Variants in GALNT13 observed in about 807,000 individuals in gnomAD.
GALNT13 encodes the protein UDP-GalNAc:polypeptide N-acetylgalactosaminyltransferase 13.
A neutral mutation model predicts 64.2 loss-of-function variants in GALNT13; 28 were observed. The observed-to-expected ratio is 0.44, with a 90% CI of 0.32 to 0.60. The LOEUF (loss-of-function observed/expected upper bound fraction) is 0.60. Among genes scored for constraint, GALNT13 ranks in the 20% least tolerant of loss-of-function variants. GALNT13 has a pLI of 0.05. For missense variants in GALNT13, 577 were observed against 669.8 expected (o/e 0.86, Z 1.53); for synonymous variants, 214 against 224.6 (o/e 0.95, Z 0.42).
At chr2:153,482,105 A>G in the GALNT13 span, among the ~76,000 whole-genome samples, 2 of 152,184 alleles carry the variant, frequency 1.3e-5, no homozygotes, top group Non-Finnish European at 1.5e-5. Context: ...ACCTAAGCTC[A>G]TATATTTCAC....
At chr2:153,385,360 G>T in the GALNT13 span, among the ~76,000 whole-genome samples, 1 of 151,976 alleles carries the variant, frequency 6.6e-6, no homozygotes. Context: ...ACCCTAAAAA[G>T]GAATGAGATC....
At chr2:154,217,528 G>A (rs1688109777) in intron 4 of GALNT13, among the ~76,000 whole-genome samples, 1 of 151,990 alleles carries the variant, frequency 6.6e-6, no homozygotes, top group Admixed American at 6.6e-5. Flanking sequence ...ATCAAATGAT[G>A]TTATATACAT....
At chr2:153,094,988 C>T in the GALNT13 span, among the ~76,000 whole-genome samples, 1 of 152,102 alleles carries the variant, frequency 6.6e-6, no homozygotes, top group Non-Finnish European at 1.5e-5. Context: ...GCAAGGACTT[C>T]ATGACTAAAA....
the GALNT13 span, among the ~76,000 whole-genome samples, chr2:153,712,358 T>TA: frequency 1.2e-4 from 19 of 152,304 alleles, no homozygotes; most frequent in Middle Eastern, 3.4e-3. Context: ...ATTATATATA[T>TA]TTTTTGTCTC....
chr2:153,438,475 G>A, the GALNT13 span, among the ~76,000 whole-genome samples: 1 of 152,304 alleles, frequency 6.6e-6, no homozygotes, highest in East Asian at 1.9e-4. Context: ...ATCAGATGTA[G>A]ATTTGGTCTT....
chr2:153,550,700 A>G, the GALNT13 span, among the ~76,000 whole-genome samples: 19 of 152,326 alleles, frequency 1.2e-4, no homozygotes, highest in East Asian at 3.1e-3. Flanking sequence ...ATCCTCAAAT[A>G]CTTGCCTGTT....
intron 11 of GALNT13, chr2:154,436,807 T>C (rs938819679): frequency 6.6e-6 from 1 of 152,172 alleles, no homozygotes; most frequent in African/African-American, 2.4e-5. Context: ...CTGTGTTATA[T>C]TTTACATAAT....
At chr2:154,161,315 A>G (rs1292815359) in intron 4 of GALNT13, among the ~76,000 whole-genome samples, 8 of 152,170 alleles carry the variant, frequency 5.3e-5, no homozygotes, top group East Asian at 1.9e-4. Context: ...ATATTTCTTC[A>G]TTTAAGAGAT....
At chr2:153,299,673 G>A in the GALNT13 span, among the ~76,000 whole-genome samples, 6 of 152,190 alleles carry the variant, frequency 3.9e-5, no homozygotes, top group African/African-American at 1.4e-4. Context: ...GGAGCTTGTG[G>A]ACACAATCAA....
At chr2:154,216,099 T>A (rs966007974) in intron 4 of GALNT13, among the ~76,000 whole-genome samples, 2 of 152,164 alleles carry the variant, frequency 1.3e-5, no homozygotes, top group Non-Finnish European at 2.9e-5. Flanking sequence ...TTCTTACATA[T>A]TTTATTTTTG....
chr2:153,409,359 T>C, the GALNT13 span, among the ~76,000 whole-genome samples: 2 of 149,632 alleles, frequency 1.3e-5, no homozygotes, highest in Non-Finnish European at 3.0e-5. Flanking sequence ...TATGTATATG[T>C]ATATATTCAT....
At chr2:154,435,825 A>G (rs941323951) in intron 11 of GALNT13, 2 of 152,222 alleles carry the variant, frequency 1.3e-5, no homozygotes, top group African/African-American at 4.8e-5. Context: ...TGTTTTCAGT[A>G]TACCCAAAGT....
At chr2:154,239,658 CT>C (rs1336384319) in intron 4 of GALNT13, among the ~76,000 whole-genome samples, 1 of 152,168 alleles carries the variant, frequency 6.6e-6, no homozygotes, top group Admixed American at 6.5e-5. Flanking sequence ...ATAAATCCAA[CT>C]ACTTTTCCCA....
the GALNT13 span, among the ~76,000 whole-genome samples, chr2:153,373,098 TCA>T: frequency 6.6e-6 from 1 of 151,916 alleles, no homozygotes; most frequent in Admixed American, 6.6e-5. Context: ...TTGTGAAATC[TCA>T]GTTTATAGCC....
the GALNT13 span, among the ~76,000 whole-genome samples, chr2:153,786,078 C>T: frequency 6.6e-6 from 1 of 151,856 alleles, no homozygotes; most frequent in Admixed American, 6.5e-5. Context: ...GGAGGTGGAG[C>T]CCCCAGGGGC....
chr2:153,464,625 A>G, the GALNT13 span, among the ~76,000 whole-genome samples: 1 of 152,046 alleles, frequency 6.6e-6, no homozygotes, highest in Non-Finnish European at 1.5e-5. Context: ...TTTAAGCAAG[A>G]TATCAAGATG....
At chr2:153,438,245 G>A in the GALNT13 span, among the ~76,000 whole-genome samples, 1 of 152,120 alleles carries the variant, frequency 6.6e-6, no homozygotes, top group South Asian at 2.1e-4. Context: ...CTTTCTCTCT[G>A]GCTGTCCTTA....
the GALNT13 span, among the ~76,000 whole-genome samples, chr2:153,471,021 G>A: frequency 6.6e-6 from 1 of 152,152 alleles, no homozygotes; most frequent in Admixed American, 6.5e-5. Context: ...TATGTAAAGT[G>A]GAGCCAGCTT....
chr2:154,018,452 A>G (rs1697167121), intron 3 of GALNT13, among the ~76,000 whole-genome samples: 1 of 152,202 alleles, frequency 6.6e-6, no homozygotes, highest in Admixed American at 6.5e-5. Context: ...GGTCACTTGA[A>G]TTAAGTTATT....
Sources: gnomAD v4.1 joint callset for allele counts (sites outside exome capture counted in the v4.1 genomes callset) on GRCh38, gnomAD v4.1.1 for gene constraint, MANE v1.5 for transcripts, NCBI Gene and HGNC (gene_info 2026-07-23, HGNC 2026-07-21) for gene names.